Variants in HECW2 observed in about 807,000 individuals in gnomAD.
The protein encoded by HECW2 is E3 ubiquitin-protein ligase HECW2.
A neutral mutation model predicts 175.2 loss-of-function variants in HECW2; 61 were observed. The observed-to-expected ratio is 0.35, with a 90% CI of 0.28 to 0.43. HECW2 has a LOEUF of 0.43. HECW2 is among the 20% of genes least tolerant of loss of function. The pLI, the probability that HECW2 is intolerant of heterozygous loss-of-function variation, is 1.00. For synonymous variants in HECW2, 671 were observed against 731.0 expected, an observed-to-expected ratio of 0.92 and a Z score of 1.32; for missense variants, 1,524 against 2,000.5, an observed-to-expected ratio of 0.76 and a Z score of 4.54.
At chr2:196,286,404 A>ATATATATATATATATATATAT (rs1224813893) in intron 14 of HECW2, among the ~76,000 whole-genome samples, 17 of 151,454 alleles carry the variant, frequency 1.1e-4, no homozygotes, top group African/African-American at 1.7e-4. Context: ...ATATATATTT[A>ATATATATATATATATATATAT]AATCCATGCA....
chr2:196,319,208 T>G lies in HECW2; in HGVS notation c.1682A>C (p.Asp561Ala). The G allele has an allele frequency of 6.3e-7, 1 of 1,597,084 alleles. No homozygotes were observed. Among genetic ancestry groups the G allele is most frequent in the Non-Finnish European group, 8.5e-7 (1 of 1,171,638 alleles). The change falls in exon 9 of 29, where the codon GAC becomes GCC. Residue 561 changes from aspartate to alanine, a missense_variant. Around this residue, in one of 11 missense-constraint regions of HECW2, gnomAD observed 604 missense variants for 588.3 expected, o/e 1.03. Coordinates refer to ENST00000644978, the MANE Select transcript of HECW2 (RefSeq NM_001348768.2). ...EGGPEPQPSA[D>A]QGSAELCGSQ... ...GCCACACAGTTCAGCACTGCCCTGG[T>G]CAGCACTGGGTTGAGGCTCTGGGCC...
At chr2:196,357,929 A>G (rs1693437199) in intron 2 of HECW2, among the ~76,000 whole-genome samples, 1 of 152,208 alleles carries the variant, frequency 6.6e-6, no homozygotes, top group African/African-American at 2.4e-5. Flanking sequence ...TAAATTATCC[A>G]GTCTTAGGGA....
At chr2:196,215,830 T>C (rs9288259) in intron 28 of HECW2, 35 bp downstream of exon 28, 100,534 of 1,403,052 alleles carry the variant, frequency 0.072, 12,979 homozygotes, top group African/African-American at 0.56. Flanking sequence ...CCACCAAATG[T>C]TGTGACAGTA....
chr2:196,314,402 C>T (rs1691614101), intron 10 of HECW2, among the ~76,000 whole-genome samples: 2 of 152,236 alleles, frequency 1.3e-5, no homozygotes, highest in South Asian at 4.1e-4. Context: ...CACCCTCTGC[C>T]TCAAACCAGA....
intron 28 of HECW2, among the ~76,000 whole-genome samples, chr2:196,212,624 C>T (rs1687332480): frequency 6.6e-6 from 1 of 152,094 alleles, no homozygotes; most frequent in South Asian, 2.1e-4. Context: ...GATTCTGTGT[C>T]TTTGCTATTG....
At chr2:196,465,911 T>C (rs946105927) in intron 1 of HECW2, among the ~76,000 whole-genome samples, 5 of 152,166 alleles carry the variant, frequency 3.3e-5, no homozygotes, top group African/African-American at 4.8e-5. Context: ...CCAATATTTA[T>C]TGAACATTTG....
chr2:196,267,191 G>C (rs1173826433), intron 17 of HECW2, among the ~76,000 whole-genome samples: 1 of 152,042 alleles, frequency 6.6e-6, no homozygotes, highest in Non-Finnish European at 1.5e-5. Flanking sequence ...ATATTAGAGG[G>C]GAAATTCTCA....
chr2:196,356,677 G>C (rs1693379514), intron 2 of HECW2, among the ~76,000 whole-genome samples: 1 of 152,208 alleles, frequency 6.6e-6, no homozygotes, highest in Admixed American at 6.5e-5. Flanking sequence ...GATATTCTCA[G>C]AGGAAGAGAT....
chr2:196,202,716 G>A (rs752534160), intron 28 of HECW2, among the ~76,000 whole-genome samples: 22 of 152,196 alleles, frequency 1.4e-4, no homozygotes, highest in Non-Finnish European at 5.9e-5. Context: ...AATAAAGCAG[G>A]TGTGTGGCCA....
chr2:196,492,368 C>T (rs957420328), intron 1 of HECW2, among the ~76,000 whole-genome samples: 1 of 152,084 alleles, frequency 6.6e-6, no homozygotes, highest in African/African-American at 2.4e-5. Context: ...CTGCCCCTCA[C>T]TAAAAATCTC....
intron 4 of HECW2, among the ~76,000 whole-genome samples, chr2:196,333,254 G>A (rs936256937): frequency 1.3e-5 from 2 of 151,678 alleles, no homozygotes; most frequent in African/African-American, 4.8e-5. Flanking sequence ...GATCAATGAC[G>A]GCGTTTTTCT....
chr2:196,435,767 T>C (rs1336544065), intron 1 of HECW2, among the ~76,000 whole-genome samples: 1 of 152,234 alleles, frequency 6.6e-6, no homozygotes, highest in Non-Finnish European at 1.5e-5. Flanking sequence ...TGTCCCTCTG[T>C]TTCCCCACCT....
chr2:196,377,736 G>A (rs1453338870), intron 2 of HECW2, among the ~76,000 whole-genome samples: 1 of 152,176 alleles, frequency 6.6e-6, no homozygotes, highest in Non-Finnish European at 1.5e-5. Context: ...CATGAATGAA[G>A]CAAAGTTTCC....
chr2:196,367,875 T>TG (rs35312870), intron 2 of HECW2, among the ~76,000 whole-genome samples: 10,852 of 151,146 alleles, frequency 0.072, 616 homozygotes, highest in African/African-American at 0.15. Flanking sequence ...TGTGTGTGTG[T>TG]TTGTGTGTGT....
intron 1 of HECW2, among the ~76,000 whole-genome samples, chr2:196,481,123 C>T (rs568846254): frequency 5.3e-5 from 8 of 152,278 alleles, no homozygotes; most frequent in African/African-American, 1.9e-4. Flanking sequence ...CTGTGAAAAC[C>T]CATGCCTGCT....
intron 1 of HECW2, among the ~76,000 whole-genome samples, chr2:196,469,120 C>CGCGT (rs574989114): frequency 1.9e-4 from 28 of 144,828 alleles, no homozygotes; most frequent in Admixed American, 1.3e-3. Flanking sequence ...TGTGTGTGTG[C>CGCGT]GTGTGTGTGT....
At chr2:196,255,902 G>A (rs1018351628) in intron 18 of HECW2, among the ~76,000 whole-genome samples, 13 of 151,998 alleles carry the variant, frequency 8.6e-5, no homozygotes, top group South Asian at 2.1e-4. Flanking sequence ...GTGAAACCCC[G>A]TCTCTATTAA....
At chr2:196,427,963 A>T (rs1403826834) in intron 2 of HECW2, among the ~76,000 whole-genome samples, 2 of 152,190 alleles carry the variant, frequency 1.3e-5, no homozygotes, top group Non-Finnish European at 2.9e-5. Flanking sequence ...TACTTTTCTG[A>T]TTCACATGCA....
intron 1 of HECW2, among the ~76,000 whole-genome samples, chr2:196,589,893 G>A (rs752913246): frequency 4.6e-5 from 7 of 152,136 alleles, no homozygotes; most frequent in African/African-American, 1.7e-4. Context: ...TTACAGCCAC[G>A]GCAGATGCTT....
Sources: gnomAD v4.1 joint callset for allele counts (sites outside exome capture counted in the v4.1 genomes callset) on GRCh38, gnomAD v4.1.1 for gene constraint, gnomAD v4.1.1 regional missense constraint, MANE v1.5 for transcripts, NCBI Gene and HGNC (gene_info 2026-07-23, HGNC 2026-07-21) for gene names.